The following LRRC27 variants were observed in gnomAD, a reference collection of about 807,000 sequenced individuals.
The protein encoded by LRRC27 is leucine rich repeat containing 27, also known as leucine-rich repeat-containing protein 27.
In LRRC27, 57 loss-of-function variants were observed where a neutral mutation model predicts 55.0. The observed-to-expected ratio is 1.04, with a 90% CI of 0.84 to 1.29. LRRC27 has a LOEUF of 1.29. Among genes scored for constraint, LRRC27 ranks in the 50% most tolerant of loss-of-function variants. LRRC27 has a pLI of 0.00. For missense variants in LRRC27, 721 were observed against 651.5 expected (o/e 1.11, Z -1.16); for synonymous variants, 278 against 251.9 (o/e 1.10, Z -0.98).
intron 9 of LRRC27, 48 bp from the exon 10 acceptor site, chr10:132,365,376 G>T (rs1484628823): frequency 6.2e-7 from 1 of 1,607,024 alleles, no homozygotes; most frequent in Non-Finnish European, 8.5e-7. Context: ...TTGCTAGGAT[G>T]AGAGTAAATG....
At chr10:132,352,827 T>C in intron 7 of LRRC27, 6 of 1,595,548 alleles carry the variant, frequency 3.8e-6, no homozygotes, top group Non-Finnish European at 5.1e-6. Context: ...CCTGGCTTCC[T>C]CACGACACCT....
At chr10:132,331,200 C>CAAAAAAAAAA (rs35734065), upstream of LRRC27, among the ~76,000 whole-genome samples, 4 of 56,330 alleles carry the variant, frequency 7.1e-5, 1 homozygote, top group Non-Finnish European at 6.4e-5. Context: ...GACTCCACCT[C>CAAAAAAAAAA]AAAAAAAAAA....
At chr10:132,331,831 C>G (rs1172209934), upstream of LRRC27, 13 of 1,536,746 alleles carry the variant, frequency 8.5e-6, no homozygotes, top group Non-Finnish European at 1.1e-5. Context: ...TTCAAGGCCG[C>G]GGGCGCGGAA....
chr10:132,337,181 G>C (rs147996576), intron 2 of LRRC27: 12 of 1,173,392 alleles, frequency 1.0e-5, no homozygotes, highest in Non-Finnish European at 1.3e-5. Context: ...GTAAGCAGGC[G>C]ATTTCGGGGG....
chr10:132,367,424 A>G (rs1256984722), intron 10 of LRRC27, among the ~76,000 whole-genome samples: 1 of 152,246 alleles, frequency 6.6e-6, no homozygotes, highest in East Asian at 1.9e-4. Context: ...CTCTAATACC[A>G]AAACCATACA....
At chr10:132,352,152 TGAGGCCTCCGTGTGGGGCAGGC>T (rs759857040) in intron 7 of LRRC27, among the ~76,000 whole-genome samples, 2,207 of 65,624 alleles carry the variant, frequency 0.034, 267 homozygotes, top group Admixed American at 0.081. Context: ...GGGCAGGCGC[TGAGGCCTCCGTGTGGGGCAGGC>T]GCTGAGGCCT....
chr10:132,363,255 C>T (rs1028492863), intron 9 of LRRC27, among the ~76,000 whole-genome samples: 2 of 150,458 alleles, frequency 1.3e-5, no homozygotes, highest in African/African-American at 4.9e-5. Context: ...GTTCATGAAC[C>T]CTCTCACCTC....
At chr10:132,361,032 C>A (rs1232821943) in intron 8 of LRRC27, among the ~76,000 whole-genome samples, 2 of 152,204 alleles carry the variant, frequency 1.3e-5, no homozygotes, top group Non-Finnish European at 2.9e-5. Context: ...GTTGGGTCCT[C>A]CCAGGTCTCC....
Position 132,348,245 on chromosome 10 carries a change from A to G in LRRC27, c.815A>G (p.His272Arg). The G allele has an allele frequency of 1.2e-6, 2 of 1,614,084 alleles. No homozygotes were observed. Among genetic ancestry groups the G allele is most frequent in the Non-Finnish European group, 1.7e-6 (2 of 1,180,046 alleles). The change falls in exon 6 of 11, where the codon CAC becomes CGC. Residue 272 changes from histidine (H) to arginine (R), a missense_variant. His to Arg is a conservative substitution (Grantham distance 29). Coordinates refer to ENST00000368614, the MANE Select transcript of LRRC27 (RefSeq NM_030626.3). This position sits in a 1 kb window ranked among gnomAD's most constrained non-coding sequence, Gnocchi z 4.2. Reference sequence around the variant, plus strand: ...AAGCTGAGGCAGGAGATTGTTGAGCACGTGAAGGCAGACGTTCTGGGAGAT... The same window carrying G: ...AAGCTGAGGCAGGAGATTGTTGAGCGCGTGAAGGCAGACGTTCTGGGAGAT... Reference protein sequence around the residue: ...FWKLRQEIVEHVKADVLGDQL... With the variant: ...FWKLRQEIVERVKADVLGDQL...
chr10:132,344,053 T>G (rs1262012217), intron 4 of LRRC27, among the ~76,000 whole-genome samples: 1 of 152,268 alleles, frequency 6.6e-6, no homozygotes, highest in Non-Finnish European at 1.5e-5. Flanking sequence ...TGAACATATT[T>G]AAATGGTTGC....
chr10:132,364,688 G>C (rs1467089757), intron 9 of LRRC27, among the ~76,000 whole-genome samples: 2 of 19,314 alleles, frequency 1.0e-4, no homozygotes, highest in African/African-American at 2.6e-4. Context: ...TTACACCCAC[G>C]TCCACACCGT....
intron 10 of LRRC27, among the ~76,000 whole-genome samples, chr10:132,373,774 G>A (rs1275306697): frequency 6.6e-6 from 1 of 152,156 alleles, no homozygotes; most frequent in African/African-American, 2.4e-5. Flanking sequence ...GGAGCCTGGC[G>A]GGGTCTCCAC....
chr10:132,365,456 T>C lies in LRRC27; in HGVS notation c.1322T>C (p.Ile441Thr), dbSNP rs115146940. The change falls in exon 10 of 11, where the codon ATA (isoleucine) becomes ACA (threonine). Residue 441 changes from isoleucine to threonine, a missense_variant. Physicochemically the swap from Ile to Thr is moderately conservative, Grantham distance 89. Coordinates refer to ENST00000368614, the MANE Select transcript of LRRC27 (RefSeq NM_030626.3). ...CAGGAGAGAAATTTAGAAGAGAAGA[T>C]AAAACAGCACGTCCTCCAAATGCGT... The part of the protein sequence containing the change: ...ALQERNLEEK[I>T]KQHVLQMREQ... 2.1e-4 allele frequency: 335 copies of C among 1,613,682 alleles called. 2 individuals carry two copies. In the East Asian group the frequency reaches 6.9e-3, roughly 33 times the overall value.
intron 1 of LRRC27, 163 bp downstream of exon 1, chr10:132,332,419 C>T (rs7084379): frequency 0.38 from 57,641 of 152,148 alleles, 11,122 homozygotes; most frequent in Middle Eastern, 0.41. Context: ...GAGCGTCGGA[C>T]CCAACTCAGC....
rs141715794 is a variant in LRRC27 at position 132,374,753 on chromosome 10, A to G, written c.1417-313A>G. The stretch of plus-strand genomic sequence containing the variant: ...CGATGCCCTGAGTCTCTGTTCATCC[A>G]TTGACCTGTGCAGATGCACAGGACA... On this transcript the variant is annotated intron_variant, in intron 10 of 10. Coordinates refer to ENST00000368614, the MANE Select transcript of LRRC27 (RefSeq NM_030626.3). This position sits in a 1 kb window ranked among gnomAD's most constrained non-coding sequence, Gnocchi z 4.4. Among the ~76,000 whole-genome samples, 18 of 152,236 alleles carry G rather than the reference A, an allele frequency of 1.2e-4. No homozygotes were observed. The highest frequency in any genetic ancestry group is 4.3e-4 in the African/African-American group (18 of 41,546).
chr10:132,350,850 G>A (rs542298706), intron 6 of LRRC27: 2 of 152,332 alleles, frequency 1.3e-5, no homozygotes, highest in Admixed American at 6.5e-5. Flanking sequence ...TCATGTTCTG[G>A]AACCTGGCTG....
intron 8 of LRRC27, 144 bp from the exon 9 acceptor site, chr10:132,361,313 G>A (rs2068604259): frequency 2.7e-6 from 2 of 729,910 alleles, no homozygotes; most frequent in East Asian, 2.5e-5. Flanking sequence ...GGATGACTGC[G>A]TTGCACAGGG....
intron 8 of LRRC27, among the ~76,000 whole-genome samples, chr10:132,360,049 A>G (rs1445881533): frequency 6.6e-6 from 1 of 152,244 alleles, no homozygotes; most frequent in East Asian, 1.9e-4. Context: ...CATACTTTTA[A>G]TGTCTTTTAA....
intron 10 of LRRC27, among the ~76,000 whole-genome samples, chr10:132,369,871 G>T (rs182597594): frequency 6.6e-6 from 1 of 152,194 alleles, no homozygotes; most frequent in Non-Finnish European, 1.5e-5. Context: ...GTGCTCCCCC[G>T]CCCTGGTTAC....
Sources: gnomAD v4.1 joint callset for allele counts (sites outside exome capture counted in the v4.1 genomes callset) on GRCh38, gnomAD v4.1.1 for gene constraint, Gnocchi (gnomAD v3.1) non-coding constraint, MANE v1.5 for transcripts, NCBI Gene and HGNC (gene_info 2026-07-23, HGNC 2026-07-21) for gene names.